The following RGPD2 variants were observed in gnomAD, a reference collection of about 807,000 sequenced individuals.
RGPD2 encodes the protein RANBP2 like and GRIP domain containing 2.
RGPD2 carries 2 observed loss-of-function variants against 36.0 expected under a neutral mutation model. The observed-to-expected ratio is 0.06, with a 90% CI of 0.02 to 0.17. The LOEUF (loss-of-function observed/expected upper bound fraction) is 0.17. RGPD2 is among the 10% of genes least tolerant of loss of function. RGPD2 has a pLI of 1.00. For missense variants in RGPD2, 40 were observed against 464.3 expected (o/e 0.09, Z 8.40); for synonymous variants, 19 against 163.8 (o/e 0.12, Z 6.75).
chr2:87,836,054 T>G, the RGPD2 span, among the ~76,000 whole-genome samples: 1 of 151,420 alleles, frequency 6.6e-6, no homozygotes, highest in African/African-American at 2.4e-5. Flanking sequence ...AAAACATATT[T>G]AAGGATATTG....
intron 1 of RGPD2, among the ~76,000 whole-genome samples, chr2:87,821,964 TTCTC>T (rs1434243216): frequency 6.3e-4 from 92 of 146,900 alleles, no homozygotes; most frequent in Non-Finnish European, 7.2e-4. Flanking sequence ...AGTTCTAAAT[TTCTC>T]TCTCTTTTTT....
At chr2:87,878,141 C>T in the RGPD2 span, among the ~76,000 whole-genome samples, 10 of 152,268 alleles carry the variant, frequency 6.6e-5, no homozygotes, top group Non-Finnish European at 1.5e-4. Context: ...GTTCTATTCT[C>T]CCTATCTCTT....
the RGPD2 span, among the ~76,000 whole-genome samples, chr2:87,958,321 C>A: frequency 3.9e-5 from 6 of 152,018 alleles, no homozygotes. Flanking sequence ...TAAGTATGAA[C>A]ATATTCTTAG....
the RGPD2 span, among the ~76,000 whole-genome samples, chr2:87,876,179 G>GTTT: frequency 1.1e-4 from 15 of 132,358 alleles, no homozygotes; most frequent in South Asian, 7.2e-4. Context: ...GATTTGTGGG[G>GTTT]TTTTTTTTTT....
upstream of RGPD2, among the ~76,000 whole-genome samples, chr2:87,830,706 A>C (rs1418720606): frequency 6.6e-6 from 1 of 152,184 alleles, no homozygotes; most frequent in African/African-American, 2.4e-5. Flanking sequence ...ATCATGTCAG[A>C]AGGCAAAGGA....
At chr2:87,948,265 G>C in the RGPD2 span, among the ~76,000 whole-genome samples, 1 of 151,758 alleles carries the variant, frequency 6.6e-6, no homozygotes, top group African/African-American at 2.4e-5. Context: ...TGCTGTGAGA[G>C]TTAAATGTAA....
chr2:87,940,404 G>C, the RGPD2 span, among the ~76,000 whole-genome samples: 1 of 150,512 alleles, frequency 6.6e-6, no homozygotes, highest in African/African-American at 2.4e-5. Flanking sequence ...GAAAATGTTT[G>C]GGACCATGAA....
the RGPD2 span, among the ~76,000 whole-genome samples, chr2:87,978,956 C>T: frequency 6.6e-6 from 1 of 151,124 alleles, no homozygotes; most frequent in African/African-American, 2.4e-5. Context: ...GTCCACGGGC[C>T]GGGCATGGTG....
chr2:87,849,548 T>C, the RGPD2 span, among the ~76,000 whole-genome samples: 1 of 148,146 alleles, frequency 6.8e-6, no homozygotes, highest in Admixed American at 6.7e-5. Context: ...CAGATAGGAA[T>C]AATATGTGCT....
chr2:87,881,013 G>GT, the RGPD2 span, among the ~76,000 whole-genome samples: 2 of 146,836 alleles, frequency 1.4e-5, no homozygotes, highest in Non-Finnish European at 3.0e-5. Flanking sequence ...AAACAGGGCC[G>GT]TAATTAAATC....
the RGPD2 span, among the ~76,000 whole-genome samples, chr2:87,914,294 TTAA>T: frequency 2.1e-5 from 2 of 97,338 alleles, no homozygotes; most frequent in Admixed American, 1.2e-4. Context: ...CAATTGTAAA[TTAA>T]TAATGATGTG....
At chr2:87,878,896 G>T in the RGPD2 span, among the ~76,000 whole-genome samples, 23 of 152,290 alleles carry the variant, frequency 1.5e-4, no homozygotes, top group African/African-American at 5.1e-4. Context: ...GCAAATTAGA[G>T]AATTTTCTAT....
chr2:87,857,444 G>A, the RGPD2 span, among the ~76,000 whole-genome samples: 15 of 151,542 alleles, frequency 9.9e-5, no homozygotes, highest in South Asian at 2.1e-4. Context: ...CCAGGTTCAC[G>A]CCATTCTCCT....
At chr2:87,973,527 T>G in the RGPD2 span, among the ~76,000 whole-genome samples, 1 of 138,232 alleles carries the variant, frequency 7.2e-6, no homozygotes, top group African/African-American at 2.6e-5. Context: ...GAAACAGCCC[T>G]AGTCCCAACT....
chr2:87,840,298 A>T, the RGPD2 span, among the ~76,000 whole-genome samples: 1 of 131,918 alleles, frequency 7.6e-6, no homozygotes. Context: ...GGTAACTCCC[A>T]GAGGCTAGAA....
At chr2:87,890,389 C>T in the RGPD2 span, among the ~76,000 whole-genome samples, 1 of 145,286 alleles carries the variant, frequency 6.9e-6, no homozygotes, top group East Asian at 1.9e-4. Flanking sequence ...AAATCAATAA[C>T]TGGTCCGTTT....
chr2:87,929,477 G>T, the RGPD2 span, among the ~76,000 whole-genome samples: 440 of 135,926 alleles, frequency 3.2e-3, no homozygotes, highest in Admixed American at 0.021. Context: ...TGTTTTTTTT[G>T]TGTGTGTGTA....
chr2:87,876,180 T>G, the RGPD2 span, among the ~76,000 whole-genome samples: 75 of 96,278 alleles, frequency 7.8e-4, no homozygotes, highest in Admixed American at 1.5e-3. Flanking sequence ...ATTTGTGGGG[T>G]TTTTTTTTTT....
chr2:87,981,523 AT>A, the RGPD2 span, among the ~76,000 whole-genome samples: 1 of 38,664 alleles, frequency 2.6e-5, no homozygotes, highest in African/African-American at 8.0e-5. Context: ...TGGCCTGTTT[AT>A]CTGCTAAGCC....
Sources: gnomAD v4.1 joint callset for allele counts (sites outside exome capture counted in the v4.1 genomes callset) on GRCh38, gnomAD v4.1.1 for gene constraint, MANE v1.5 for transcripts, NCBI Gene and HGNC (gene_info 2026-07-23, HGNC 2026-07-21) for gene names.